GRM5: variants seen among roughly 807,000 people sequenced by gnomAD.
The protein encoded by GRM5 is glutamate metabotropic receptor 5.
Under a neutral mutation model 83.1 loss-of-function variants are expected in GRM5, and 19 were observed. The ratio of observed to expected loss-of-function variants is 0.23; its 90% CI spans 0.16 to 0.34. GRM5 has a LOEUF of 0.34. Among genes scored for constraint, GRM5 ranks in the 10% least tolerant of loss-of-function variants. GRM5 has a pLI of 1.00. For missense variants in GRM5, 1,160 were observed against 1,588.3 expected (o/e 0.73, Z 4.58); for synonymous variants, 675 against 633.6 (o/e 1.07, Z -0.98).
At position 88,568,001 on chromosome 11, in the gene GRM5, A is replaced by G; in HGVS notation, c.1691-9T>C. ...TGGGATCAAGTCACAACCTGCAGAG[A>G]CACAAACACATATTGTAAAGGAGGG... On this transcript the variant is annotated splice_polypyrimidine_tract_variant and intron_variant, in intron 7 of 9. Coordinates refer to ENST00000305447, the MANE Select transcript of GRM5 (RefSeq NM_001143831.3). 1 of 1,566,832 alleles carries G rather than the reference A, an allele frequency of 6.4e-7. No homozygotes were observed. The highest frequency in any genetic ancestry group is 8.8e-7 in the Non-Finnish European group (1 of 1,140,790).
At chr11:88,986,226 T>C (rs529797198) in intron 2 of GRM5, among the ~76,000 whole-genome samples, 1 of 152,168 alleles carries the variant, frequency 6.6e-6, no homozygotes, top group Non-Finnish European at 1.5e-5. Context: ...TAGAGAGTTA[T>C]GCTAAGTGAA....
chr11:88,703,604 C>G (rs1178769955), intron 3 of GRM5, among the ~76,000 whole-genome samples: 2 of 151,988 alleles, frequency 1.3e-5, no homozygotes, highest in Non-Finnish European at 2.9e-5. Flanking sequence ...ATGAGAGGGA[C>G]CCGGTGGGAG....
intron 8 of GRM5, among the ~76,000 whole-genome samples, chr11:88,542,355 AAAAAGGAAAAAAC>A (rs1942286155): frequency 7.9e-6 from 1 of 126,208 alleles, no homozygotes; most frequent in Admixed American, 8.7e-5. Context: ...AGGCATGGCT[AAAAAGGAAAAAAC>A]AAACAAACAA....
At chr11:88,682,419 A>T (rs1228960551) in intron 3 of GRM5, among the ~76,000 whole-genome samples, 1 of 146,868 alleles carries the variant, frequency 6.8e-6, no homozygotes, top group African/African-American at 2.7e-5. Flanking sequence ...TTCAAACCAG[A>T]AAAAAGCAAA....
intron 2 of GRM5, among the ~76,000 whole-genome samples, chr11:88,897,635 C>T (rs1328530249): frequency 6.6e-6 from 1 of 151,734 alleles, no homozygotes; most frequent in Non-Finnish European, 1.5e-5. Context: ...CTGCTGACAT[C>T]TAGTAGGTTG....
intron 2 of GRM5, among the ~76,000 whole-genome samples, chr11:88,927,703 C>G (rs1328811433): frequency 6.6e-6 from 1 of 152,120 alleles, no homozygotes; most frequent in Non-Finnish European, 1.5e-5. Flanking sequence ...CTGAAAACAT[C>G]ACAAAGTTAA....
At chr11:88,509,867 A>T (rs1941316251) in intron 9 of GRM5, among the ~76,000 whole-genome samples, 1 of 152,170 alleles carries the variant, frequency 6.6e-6, no homozygotes, top group Non-Finnish European at 1.5e-5. Context: ...GGCTGTGTGC[A>T]CAAGTGCCTG....
At chr11:88,777,630 C>T (rs1942884777) in intron 3 of GRM5, among the ~76,000 whole-genome samples, 2 of 151,776 alleles carry the variant, frequency 1.3e-5, no homozygotes, top group South Asian at 2.1e-4. Flanking sequence ...TGTAGATTAC[C>T]TTTTTGTTGA....
rs115679741 is a variant in GRM5, at chr11:88,706,388, A to G, written c.912-52985T>C. Among the ~76,000 whole-genome samples the G allele has an allele frequency of 2.5e-3, 375 of 152,206 alleles. 1 individual carries two copies. The highest frequency in any genetic ancestry group is 8.7e-3 in the African/African-American group (360 of 41,550). ...TTATTGCACTATATTGTAATTTTCT[A>G]TTAAAGTATCTCCCTTAAAGCAGAG... On this transcript the variant is annotated intron_variant, in intron 3 of 9. Coordinates refer to ENST00000305447, the MANE Select transcript of GRM5 (RefSeq NM_001143831.3).
intron 3 of GRM5, among the ~76,000 whole-genome samples, chr11:88,832,978 G>A (rs958293948): frequency 6.6e-6 from 1 of 151,780 alleles, no homozygotes; most frequent in Non-Finnish European, 1.5e-5. Context: ...ATGGATTAAA[G>A]ACTCAAAGTA....
Position 89,047,536 on chromosome 11 carries a change from T to G in GRM5, c.337A>C (p.Ile113Leu), listed in dbSNP as rs1238077235. Residue 113 changes from isoleucine (I) to leucine (L), a missense_variant, in exon 2 of 10, where the codon ATA becomes CTA. Transcript: ENST00000305447. The surrounding 1 kb of genome is among the most constrained non-coding windows in gnomAD (Gnocchi z 5.1). ...AVALEQSIEF[I>L]RDSLISSEEE... Reference sequence around the variant, plus strand: ...TCTGAAGAAATGAGGGAATCTCTTATGAACTCAATGCTCTGCTCTAGGGCC... The same window carrying G: ...TCTGAAGAAATGAGGGAATCTCTTAGGAACTCAATGCTCTGCTCTAGGGCC... 13 of 1,614,166 alleles carry G rather than the reference T, an allele frequency of 8.1e-6. No individual in the cohort carries two copies. The highest frequency in any genetic ancestry group is 1.1e-5 in the Non-Finnish European group (13 of 1,179,998).
At chr11:88,556,333 T>TA (rs1419704217) in intron 8 of GRM5, among the ~76,000 whole-genome samples, 1 of 151,098 alleles carries the variant, frequency 6.6e-6, no homozygotes, top group African/African-American at 2.4e-5. Context: ...TCTTTTTTTT[T>TA]TTTTTTTTAG....
At chr11:88,812,116 T>C (rs1943599066) in intron 3 of GRM5, among the ~76,000 whole-genome samples, 1 of 152,126 alleles carries the variant, frequency 6.6e-6, no homozygotes, top group Admixed American at 6.6e-5. Context: ...GGGTACAATA[T>C]TGAAATGATA....
chr11:88,764,598 G>A (rs34481018), intron 3 of GRM5, among the ~76,000 whole-genome samples: 74,887 of 151,132 alleles, frequency 0.5, 22,463 homozygotes, highest in Non-Finnish European at 0.7. Flanking sequence ...ACCATTCTTA[G>A]ACAATACATG....
intron 2 of GRM5, among the ~76,000 whole-genome samples, chr11:88,987,422 G>A (rs545579738): frequency 9.9e-5 from 15 of 151,934 alleles, no homozygotes; most frequent in Admixed American, 2.6e-4. Context: ...AGGCGGCAGC[G>A]AGGTTGGGGG....
intron 5 of GRM5, among the ~76,000 whole-genome samples, chr11:88,604,194 A>AG (rs1046031926): frequency 3.9e-5 from 6 of 152,120 alleles, no homozygotes; most frequent in African/African-American, 1.2e-4. Flanking sequence ...AAAATTTCAG[A>AG]GAAAAAAAAC....
At chr11:88,932,431 T>C (rs1937747163) in intron 2 of GRM5, among the ~76,000 whole-genome samples, 1 of 152,010 alleles carries the variant, frequency 6.6e-6, no homozygotes, top group Non-Finnish European at 1.5e-5. Context: ...TATATGCACA[T>C]AGTTAGCTAG....
At chr11:88,645,674 C>T (rs569541345) in intron 4 of GRM5, among the ~76,000 whole-genome samples, 1 of 152,080 alleles carries the variant, frequency 6.6e-6, no homozygotes, top group East Asian at 1.9e-4. Context: ...ACCTTTGAAA[C>T]TAATTTTTAG....
chr11:88,607,106 T>G (rs1275013111), intron 4 of GRM5, among the ~76,000 whole-genome samples: 1 of 152,128 alleles, frequency 6.6e-6, no homozygotes, highest in Non-Finnish European at 1.5e-5. Context: ...CTAGAGAAAC[T>G]GGCGTAGTGC....
Sources: allele counts gnomAD v4.1 joint callset (sites outside exome capture counted in the v4.1 genomes callset), GRCh38; gene constraint gnomAD v4.1.1; non-coding constraint Gnocchi (gnomAD v3.1); transcripts MANE v1.5; gene names NCBI Gene and HGNC (gene_info 2026-07-23, HGNC 2026-07-21).